The following TASP1 variants were observed in gnomAD, a reference collection of about 807,000 sequenced individuals.
TASP1 encodes the protein threonine aspartase 1.
TASP1 carries 16 observed loss-of-function variants against 56.6 expected under a neutral mutation model. That is an observed-to-expected ratio of 0.28 (90% CI 0.19 to 0.43). The LOEUF (loss-of-function observed/expected upper bound fraction) is 0.43. Among genes scored for constraint, TASP1 ranks in the 20% least tolerant of loss-of-function variants. The probability of loss-of-function intolerance (pLI) is 1.00; values close to 1 mark genes in which losing one functional copy is unlikely to be tolerated. For missense variants in TASP1, 393 were observed against 511.6 expected, an observed-to-expected ratio of 0.77 and a Z score of 2.24; for synonymous variants, 179 against 184.2, an observed-to-expected ratio of 0.97 and a Z score of 0.23.
the TASP1 span, among the ~76,000 whole-genome samples, chr20:13,314,710 AGTG>A: frequency 6.6e-6 from 1 of 152,264 alleles, no homozygotes; most frequent in East Asian, 1.9e-4. Flanking sequence ...GAAAAGGAAT[AGTG>A]AAGGTAAAAC....
At chr20:13,451,624 T>C (rs1200557205) in intron 11 of TASP1, among the ~76,000 whole-genome samples, 2 of 152,094 alleles carry the variant, frequency 1.3e-5, no homozygotes, top group Non-Finnish European at 2.9e-5. Flanking sequence ...CTTAACAGAA[T>C]TAAAGAGAGT....
the TASP1 span, among the ~76,000 whole-genome samples, chr20:13,135,041 T>C: frequency 6.6e-6 from 1 of 152,210 alleles, no homozygotes; most frequent in South Asian, 2.1e-4. Flanking sequence ...TTTTGAAGTA[T>C]GTAAAGTCAT....
intron 12 of TASP1, among the ~76,000 whole-genome samples, chr20:13,425,925 C>T (rs2042603500): frequency 6.6e-6 from 1 of 152,158 alleles, no homozygotes; most frequent in African/African-American, 2.4e-5. Flanking sequence ...TGGCATGCTT[C>T]CCTGAAAAAC....
the TASP1 span, among the ~76,000 whole-genome samples, chr20:13,179,934 C>G: frequency 1.3e-4 from 20 of 152,124 alleles, no homozygotes; most frequent in Admixed American, 1.3e-3. Context: ...ACTCACCAAG[C>G]CCCTCCCATA....
intron 4 of TASP1, among the ~76,000 whole-genome samples, chr20:13,622,411 C>T (rs2048748032): frequency 1.3e-5 from 2 of 152,180 alleles, no homozygotes; most frequent in African/African-American, 2.4e-5. Flanking sequence ...CCACCATATA[C>T]TTTCACCTTC....
chr20:13,628,987 T>A (rs559474631), intron 2 of TASP1, among the ~76,000 whole-genome samples: 1 of 152,316 alleles, frequency 6.6e-6, no homozygotes, highest in Non-Finnish European at 1.5e-5. Context: ...AGGTGTTTCT[T>A]ACACTGGCTC....
chr20:13,577,027 A>G (rs2046949612), intron 6 of TASP1, among the ~76,000 whole-genome samples: 1 of 152,304 alleles, frequency 6.6e-6, no homozygotes, highest in East Asian at 1.9e-4. Context: ...AGCCAAAGAA[A>G]ATTAGAGTAT....
chr20:13,290,633 G>A, the TASP1 span, among the ~76,000 whole-genome samples: 7 of 152,198 alleles, frequency 4.6e-5, no homozygotes, highest in South Asian at 6.2e-4. Context: ...ACTCCAGCCC[G>A]GGCGACAGAG....
the TASP1 span, among the ~76,000 whole-genome samples, chr20:13,225,142 C>T: frequency 7.8e-4 from 119 of 152,140 alleles, 1 homozygote; most frequent in East Asian, 0.017. Flanking sequence ...CGTGAGCCAC[C>T]GCGCCCGGCC....
At chr20:13,356,608 T>C in the TASP1 span, among the ~76,000 whole-genome samples, 402 of 152,332 alleles carry the variant, frequency 2.6e-3, no homozygotes, top group African/African-American at 8.6e-3. Flanking sequence ...GATTGCTCCA[T>C]GGAGCAGACC....
chr20:13,412,237 G>A (rs577687605), intron 13 of TASP1, among the ~76,000 whole-genome samples: 3 of 152,184 alleles, frequency 2.0e-5, no homozygotes, highest in African/African-American at 7.2e-5. Context: ...GCTCACACAC[G>A]GCCATAAAGA....
the TASP1 span, among the ~76,000 whole-genome samples, chr20:13,258,944 C>A: frequency 6.6e-6 from 1 of 152,080 alleles, no homozygotes; most frequent in Non-Finnish European, 1.5e-5. Flanking sequence ...GAGAGCATAA[C>A]ATGGTGATGT....
chr20:13,459,072 C>T (rs187940555), intron 11 of TASP1, among the ~76,000 whole-genome samples: 2 of 152,284 alleles, frequency 1.3e-5, no homozygotes, highest in Admixed American at 6.5e-5. Flanking sequence ...TCTCCATCAC[C>T]CCTCAAAGAT....
chr20:13,246,760 G>T, the TASP1 span, among the ~76,000 whole-genome samples: 1 of 152,168 alleles, frequency 6.6e-6, no homozygotes, highest in Non-Finnish European at 1.5e-5. Context: ...ACTGATTTGG[G>T]ATTCTCCATT....
intron 4 of TASP1, among the ~76,000 whole-genome samples, chr20:13,591,980 A>G (rs1045329664): frequency 1.3e-5 from 2 of 152,242 alleles, no homozygotes; most frequent in Admixed American, 1.3e-4. Flanking sequence ...AAAGTGGAGA[A>G]AAAAATGGTT....
At chr20:13,429,643 T>C (rs1402336728) in intron 12 of TASP1, among the ~76,000 whole-genome samples, 3 of 144,834 alleles carry the variant, frequency 2.1e-5, no homozygotes, top group Non-Finnish European at 4.5e-5. Context: ...TGTCTGTCTG[T>C]GTGTGTGCCT....
the TASP1 span, among the ~76,000 whole-genome samples, chr20:13,129,388 GT>G: frequency 6.6e-6 from 1 of 152,174 alleles, no homozygotes; most frequent in Non-Finnish European, 1.5e-5. Context: ...ATGAAAAACT[GT>G]TCTGGAACTA....
Position 13,472,572 on chromosome 20 carries a change from T to G in TASP1, c.985+10655A>C, listed in dbSNP as rs535754452. On this transcript the variant is annotated intron_variant, in intron 11 of 13. Coordinates refer to ENST00000337743, the MANE Select transcript of TASP1 (RefSeq NM_017714.3). Reference sequence around the variant, plus strand: ...AACCTACAGAATGGGAGAAAATTTTTGCAATCTATCCATCTAACAAAGGGC... The same window carrying G: ...AACCTACAGAATGGGAGAAAATTTTGGCAATCTATCCATCTAACAAAGGGC... Among the ~76,000 whole-genome samples the G allele has an allele frequency of 3.6e-4, 55 of 151,128 alleles. 2 individuals are homozygous for G. Among genetic ancestry groups the G allele is most frequent in the African/African-American group, 1.3e-3 (54 of 40,930 alleles).
chr20:13,465,275 T>C (rs1349229644), intron 11 of TASP1, among the ~76,000 whole-genome samples: 1 of 150,122 alleles, frequency 6.7e-6, no homozygotes, highest in Non-Finnish European at 1.5e-5. Flanking sequence ...AAAAAGCAGA[T>C]GACTAGGAAC....
Sources: allele counts gnomAD v4.1 joint callset (sites outside exome capture counted in the v4.1 genomes callset), GRCh38; gene constraint gnomAD v4.1.1; transcripts MANE v1.5; gene names NCBI Gene and HGNC (gene_info 2026-07-23, HGNC 2026-07-21).